The following TMEM204 variants were observed in gnomAD, a reference collection of about 807,000 sequenced individuals.
The protein encoded by TMEM204 is transmembrane protein 204.
Under a neutral mutation model 19.4 loss-of-function variants are expected in TMEM204, and 15 were observed. The ratio of observed to expected loss-of-function variants is 0.77; its 90% confidence interval spans 0.52 to 1.19. The LOEUF (loss-of-function observed/expected upper bound fraction) is 1.19. Among genes scored for constraint, TMEM204 ranks in the 50% most tolerant of loss-of-function variants. The probability of loss-of-function intolerance (pLI) is 0.00; values close to 1 mark genes in which losing one functional copy is unlikely to be tolerated. For missense variants in TMEM204, 287 were observed against 321.2 expected, an observed-to-expected ratio of 0.89 and a Z score of 0.81; for synonymous variants, 161 against 146.0, an observed-to-expected ratio of 1.10 and a Z score of -0.74.
At chr16:1,537,226 G>A (rs1463393332) in intron 1 of TMEM204, among the ~76,000 whole-genome samples, 1 of 151,388 alleles carries the variant, frequency 6.6e-6, no homozygotes, top group Non-Finnish European at 1.5e-5. Context: ...CCTCACGCAG[G>A]CCAGGGAAGA....
At chr16:1,546,583 G>A (rs1229303049) in intron 2 of TMEM204, among the ~76,000 whole-genome samples, 3 of 152,160 alleles carry the variant, frequency 2.0e-5, no homozygotes, top group African/African-American at 2.4e-5. Context: ...CTTCAGGCCC[G>A]AGGCGCATCC....
At chr16:1,544,375 T>G (rs140189706) in intron 2 of TMEM204, among the ~76,000 whole-genome samples, 1 of 151,482 alleles carries the variant, frequency 6.6e-6, no homozygotes, top group South Asian at 2.1e-4. Flanking sequence ...TTAGTAGAGA[T>G]GGGGTTTCAC....
At position 1,555,136 on chromosome 16, in the gene TMEM204, T is replaced by C. The variant is rs1460478893; in HGVS notation, c.*110T>C. 2 of 1,368,512 alleles carry C rather than the reference T, an allele frequency of 1.5e-6. No homozygotes were observed. Among genetic ancestry groups the C allele is most frequent in the East Asian group, 4.8e-5 (2 of 41,352 alleles). 84.8% of individuals were successfully genotyped at this position (1,368,512 alleles called of 1,614,324 possible). Reference sequence around the variant, plus strand: ...CCCCTGCTCGTGCAGAGGCACGGGATGAGTCTGGGTGACCTCTGCGCCATG... The same window carrying C: ...CCCCTGCTCGTGCAGAGGCACGGGACGAGTCTGGGTGACCTCTGCGCCATG... On this transcript the variant is annotated 3_prime_UTR_variant, in exon 3 of 3. Coordinates refer to ENST00000566264, the MANE Select transcript of TMEM204 (RefSeq NM_024600.6).
intron 2 of TMEM204, among the ~76,000 whole-genome samples, chr16:1,543,662 CAGG>C (rs1265365615): frequency 2.0e-5 from 3 of 152,232 alleles, no homozygotes; most frequent in Non-Finnish European, 4.4e-5. Context: ...ACGAATGAGA[CAGG>C]GATGTGGGAC....
At position 1,553,669 on chromosome 16, in the gene TMEM204, C is replaced by T. The variant is rs1021678351; in HGVS notation, c.437-1113C>T. On this transcript the variant is annotated intron_variant, in intron 2 of 2. Coordinates refer to ENST00000566264, the MANE Select transcript of TMEM204 (RefSeq NM_024600.6). The surrounding 1 kb of genome is among the most constrained non-coding windows in gnomAD (Gnocchi z 4.4). ...GGGAGGGGTGCTGGGTGGGCAGAAGCGGGGCTGGGGCTGAAGGCTGGCTGG... is the reference window on the plus strand; with the variant it reads ...GGGAGGGGTGCTGGGTGGGCAGAAGTGGGGCTGGGGCTGAAGGCTGGCTGG... 23 of 1,066,482 alleles carry T rather than the reference C, an allele frequency of 2.2e-5. No individual in the cohort carries two copies. Among genetic ancestry groups the T allele is most frequent in the South Asian group, 5.9e-5 (2 of 33,876 alleles). 66.1% of individuals were successfully genotyped at this position (1,066,482 alleles called of 1,614,324 possible). A position where few individuals can be genotyped will look rare whatever the true frequency, so the allele number is the denominator to read the frequency against.
Position 1,535,893 on chromosome 16 carries a change from T to C in TMEM204, c.280+1338T>C, listed in dbSNP as rs552864464. 4.1e-4 allele frequency among the ~76,000 whole-genome samples: 62 copies of C among 152,384 alleles called. No homozygotes were observed. The Middle Eastern group carries it at 0.01, about 25-fold the overall frequency. On this transcript the variant is annotated intron_variant, in intron 1 of 2. Coordinates refer to ENST00000566264, the MANE Select transcript of TMEM204 (RefSeq NM_024600.6). ...CCGGCTCTCAGAACTCGGTGTCTTA[T>C]GGGAAGCCCGAGGCTTGGGTCTCCG...
At chr16:1,552,288 T>C (rs985474768) in intron 2 of TMEM204, among the ~76,000 whole-genome samples, 5 of 152,010 alleles carry the variant, frequency 3.3e-5, no homozygotes, top group African/African-American at 7.2e-5. Flanking sequence ...ATCGCCCCCC[T>C]GCTGGGCTGG....
At chr16:1,540,125 C>T (rs955711675) in intron 1 of TMEM204, among the ~76,000 whole-genome samples, 15 of 152,194 alleles carry the variant, frequency 9.9e-5, no homozygotes, top group African/African-American at 3.6e-4. Flanking sequence ...ACGCCGAAAG[C>T]CTAGACTGAG....
At chr16:1,538,853 G>C (rs1253080647) in intron 1 of TMEM204, among the ~76,000 whole-genome samples, 3 of 152,306 alleles carry the variant, frequency 2.0e-5, no homozygotes, top group East Asian at 1.9e-4. Context: ...GAGTCCGTTG[G>C]AGCAGTCAGG....
rs747873825 is a variant in TMEM204 at position 1,554,946 on chromosome 16, C to T, written c.601C>T (p.Arg201Trp). 1.6e-5 allele frequency: 26 copies of T among 1,614,020 alleles called. No homozygotes were observed. The highest frequency in any genetic ancestry group is 1.6e-4 in the Middle Eastern group (1 of 6,084). The change falls in exon 3 of 3, where the codon CGG (arginine) becomes TGG (tryptophan). Residue 201 changes from arginine to tryptophan, a missense_variant. Transcript: ENST00000566264. ...CAAGAGGGAGGACTGCATGGCCCCCCGGGTGATTGTCATCAGCCGCTCCCT... is the reference window on the plus strand; with the variant it reads ...CAAGAGGGAGGACTGCATGGCCCCCTGGGTGATTGTCATCAGCCGCTCCCT... ...LHKREDCMAP[R>W]VIVISRSLTA...
intron 2 of TMEM204, among the ~76,000 whole-genome samples, chr16:1,547,968 A>C (rs1031788920): frequency 1.3e-5 from 2 of 152,196 alleles, no homozygotes; most frequent in African/African-American, 4.8e-5. Flanking sequence ...GGGCCACTGC[A>C]ATCAGCCTGG....
chr16:1,548,636 T>C (rs2032373708), intron 2 of TMEM204, among the ~76,000 whole-genome samples: 2 of 152,084 alleles, frequency 1.3e-5, no homozygotes, highest in African/African-American at 4.8e-5. Flanking sequence ...GGAATCTTAA[T>C]ATAAAGATGG....
chr16:1,534,674 CG>C, intron 1 of TMEM204, 119 bp downstream of exon 1: 1 of 1,438,318 alleles, frequency 7.0e-7, no homozygotes, highest in Non-Finnish European at 9.5e-7. Context: ...CTGCCCTGAG[CG>C]TGGCCTCTGG....
intron 2 of TMEM204, among the ~76,000 whole-genome samples, chr16:1,548,269 C>T (rs535511182): frequency 9.2e-5 from 14 of 152,332 alleles, no homozygotes; most frequent in Middle Eastern, 6.8e-3. Flanking sequence ...TGCAGCTGTA[C>T]GAAGAGCATC....
In TMEM204 at chr16:1,534,592, C is replaced by T. The variant is rs1274869213; in HGVS notation, c.280+37C>T. 1.9e-6 allele frequency: 3 copies of T among 1,595,910 alleles called. No homozygotes were observed. The African/African-American group carries it at 4.0e-5, about 21-fold the overall frequency. ...TGTTTTCCTGATGCCTTCAGCGTGGCCGAGGCTCGAGGGCACATGGGAGAT... is the reference window on the plus strand; with the variant it reads ...TGTTTTCCTGATGCCTTCAGCGTGGTCGAGGCTCGAGGGCACATGGGAGAT... On this transcript the variant is annotated intron_variant, in intron 1 of 2. Coordinates refer to ENST00000566264, the MANE Select transcript of TMEM204 (RefSeq NM_024600.6).
chr16:1,529,816 G>C (rs907983074), upstream of TMEM204, among the ~76,000 whole-genome samples: 1 of 152,198 alleles, frequency 6.6e-6, no homozygotes, highest in Non-Finnish European at 1.5e-5. Context: ...CACGCCTCAA[G>C]ACTGGGGGTC....
rs369222751 is a variant in TMEM204 at position 1,542,432 on chromosome 16, C to G, written c.436+356C>G. 2.0e-5 allele frequency among the ~76,000 whole-genome samples: 3 copies of G among 152,248 alleles called. No individual in the cohort carries two copies. The East Asian group carries it at 5.8e-4, about 29-fold the overall frequency. On this transcript the variant is annotated intron_variant, in intron 2 of 2. Transcript: ENST00000566264. ...CACATGGGGCAGCCTGGGTCCTGCC[C>G]CTTCCTCAATGCTGAGGCAGCTGGT...
rs2030828127 is a variant in TMEM204 at position 1,534,308 on chromosome 16, G to A, written c.33G>A (p.Val11=). MTVQRLVAAA[V]LVALVSLILN... is the part of the protein sequence containing the mutation. ...TGCAGAGACTCGTGGCCGCGGCCGT[G>A]CTGGTGGCCCTGGTCTCACTCATCC... The change falls in exon 1 of 3, where the codon GTG becomes GTA. Residue 11 remains valine, a synonymous_variant. Coordinates refer to ENST00000566264, the MANE Select transcript of TMEM204 (RefSeq NM_024600.6). The A allele has an allele frequency of 2.5e-6, 4 of 1,612,434 alleles. No individual in the cohort carries two copies. The highest frequency in any genetic ancestry group is 2.7e-5 in the African/African-American group (2 of 74,926).
chr16:1,537,853 G>T (rs181483443), intron 1 of TMEM204, among the ~76,000 whole-genome samples: 3 of 152,194 alleles, frequency 2.0e-5, no homozygotes, highest in Admixed American at 6.5e-5. Flanking sequence ...GTGGCTCCAC[G>T]TGGCTCCGTC....
Sources: allele counts gnomAD v4.1 joint callset (sites outside exome capture counted in the v4.1 genomes callset), GRCh38; gene constraint gnomAD v4.1.1; non-coding constraint Gnocchi (gnomAD v3.1); transcripts MANE v1.5; gene names NCBI Gene and HGNC (gene_info 2026-07-23, HGNC 2026-07-21).